Variants in PID1 observed in about 807,000 individuals in gnomAD.
The protein encoded by PID1 is PTB-containing, cubilin and LRP1-interacting protein.
A neutral mutation model predicts 19.1 loss-of-function variants in PID1; 10 were observed. That is an observed-to-expected ratio of 0.52 (90% CI 0.32 to 0.89). The LOEUF (loss-of-function observed/expected upper bound fraction) is 0.89, where lower values mean the gene tolerates loss of function less well. PID1 is among the 40% of genes least tolerant of loss of function. The pLI, the probability that PID1 is intolerant of heterozygous loss-of-function variation, is 0.03. For missense variants in PID1, 248 were observed against 285.3 expected (o/e 0.87, Z 0.94); for synonymous variants, 130 against 116.0 (o/e 1.12, Z -0.78).
intron 2 of PID1, among the ~76,000 whole-genome samples, chr2:229,134,573 G>A (rs1028867748): frequency 1.3e-5 from 2 of 151,960 alleles, no homozygotes; most frequent in African/African-American, 2.4e-5. Context: ...AAGTTAAAGC[G>A]TGAACATTGT....
chr2:229,149,561 T>C (rs1690205141), intron 2 of PID1, among the ~76,000 whole-genome samples: 1 of 152,196 alleles, frequency 6.6e-6, no homozygotes, highest in African/African-American at 2.4e-5. Flanking sequence ...AATCTCTTCC[T>C]TCCTGAGAGC....
chr2:229,238,638 G>A (rs577077419), intron 1 of PID1, among the ~76,000 whole-genome samples: 3 of 152,234 alleles, frequency 2.0e-5, no homozygotes, highest in African/African-American at 7.2e-5. Context: ...AAAGGCCAGA[G>A]TTAATCTACA....
intron 1 of PID1, among the ~76,000 whole-genome samples, chr2:229,191,206 G>T (rs761910894): frequency 6.6e-6 from 1 of 152,100 alleles, no homozygotes; most frequent in Admixed American, 6.6e-5. Flanking sequence ...GAATCTCCCA[G>T]CTGTCTTTAG....
chr2:229,127,710 A>C (rs958436639), intron 2 of PID1, among the ~76,000 whole-genome samples: 1 of 152,212 alleles, frequency 6.6e-6, no homozygotes, highest in Non-Finnish European at 1.5e-5. Context: ...TGTGATGAAC[A>C]AAAATGTCTC....
Position 229,109,039 on chromosome 2 carries a change from T to G in PID1, c.177+46779A>C, listed in dbSNP as rs553639062. On this transcript the variant is annotated intron_variant, in intron 2 of 2. Coordinates refer to ENST00000392055, the MANE Select transcript of PID1 (RefSeq NM_001100818.2). ...ATTTGGGTCATATCACATGGTTAAT[T>G]CAGTGCAATCAAAGCTCTAGAAATG... Among the ~76,000 whole-genome samples the G allele has an allele frequency of 2.0e-5, 3 of 152,278 alleles. No homozygotes were observed. The East Asian group carries it at 5.8e-4, about 29-fold the overall frequency.
At chr2:229,086,640 C>T (rs1043400180) in intron 2 of PID1, among the ~76,000 whole-genome samples, 2 of 152,050 alleles carry the variant, frequency 1.3e-5, no homozygotes, top group African/African-American at 4.8e-5. Flanking sequence ...ATTTTACTTA[C>T]GTGAAAAACT....
chr2:229,173,096 T>C (rs1390048810), intron 1 of PID1, among the ~76,000 whole-genome samples: 1 of 152,138 alleles, frequency 6.6e-6, no homozygotes, highest in African/African-American at 2.4e-5. Context: ...GAGCTCTCCA[T>C]GTGAGCTCTC....
At chr2:229,090,629 C>A (rs1694853572) in intron 2 of PID1, among the ~76,000 whole-genome samples, 1 of 152,188 alleles carries the variant, frequency 6.6e-6, no homozygotes, top group Admixed American at 6.5e-5. Flanking sequence ...AATTCCCTGT[C>A]TTATATCCCA....
At chr2:229,174,193 C>A (rs1321276884) in intron 1 of PID1, among the ~76,000 whole-genome samples, 1 of 152,178 alleles carries the variant, frequency 6.6e-6, no homozygotes, top group African/African-American at 2.4e-5. Flanking sequence ...GAGCTTGATT[C>A]AGACTGTGGT....
At chr2:229,107,520 A>G (rs1020737406) in intron 2 of PID1, among the ~76,000 whole-genome samples, 4 of 144,758 alleles carry the variant, frequency 2.8e-5, no homozygotes, top group African/African-American at 7.7e-5. Context: ...AAAAAAAAAA[A>G]GAAAAAAGCT....
intron 1 of PID1, among the ~76,000 whole-genome samples, chr2:229,227,801 A>G (rs56344841): frequency 0.31 from 47,199 of 151,882 alleles, 7,783 homozygotes; most frequent in East Asian, 0.65. Flanking sequence ...GAACAGGTAC[A>G]GACTTTTTTC....
chr2:229,263,464 C>G (rs1690510330), intron 1 of PID1, among the ~76,000 whole-genome samples: 3 of 152,188 alleles, frequency 2.0e-5, no homozygotes, highest in Admixed American at 2.0e-4. Context: ...TAGATATCCT[C>G]TCATATCCCA....
intron 1 of PID1, among the ~76,000 whole-genome samples, chr2:229,243,638 T>C (rs1028864951): frequency 3.4e-4 from 51 of 152,158 alleles, no homozygotes; most frequent in Non-Finnish European, 8.8e-5. Context: ...TACAGGTACG[T>C]GGCATTTGAA....
At chr2:229,235,038 A>G (rs894072465) in intron 1 of PID1, among the ~76,000 whole-genome samples, 4 of 152,144 alleles carry the variant, frequency 2.6e-5, no homozygotes, top group African/African-American at 9.7e-5. Flanking sequence ...CCTCTGATCA[A>G]CAGCTTTTTG....
At chr2:229,210,682 T>C (rs1004563887) in intron 1 of PID1, among the ~76,000 whole-genome samples, 2 of 152,128 alleles carry the variant, frequency 1.3e-5, no homozygotes, top group Admixed American at 1.3e-4. Flanking sequence ...AGATATTTTA[T>C]TGAGAACATA....
chr2:229,062,750 G>A (rs756282855), intron 2 of PID1, among the ~76,000 whole-genome samples: 15 of 151,910 alleles, frequency 9.9e-5, no homozygotes, highest in South Asian at 6.2e-4. Flanking sequence ...CAGCAAAGTC[G>A]TCTGGCCCTG....
intron 2 of PID1, among the ~76,000 whole-genome samples, chr2:229,061,209 G>T (rs1694206064): frequency 6.6e-6 from 1 of 152,106 alleles, no homozygotes; most frequent in African/African-American, 2.4e-5. Flanking sequence ...TTGCCTTTAT[G>T]TTTTCTTCTA....
At chr2:229,158,864 G>A (rs115818561) in intron 1 of PID1, among the ~76,000 whole-genome samples, 1,694 of 151,580 alleles carry the variant, frequency 0.011, 15 homozygotes, top group Non-Finnish European at 0.018. Flanking sequence ...TTATTTGTGG[G>A]ATCTAAAAAT....
intron 2 of PID1, among the ~76,000 whole-genome samples, chr2:229,058,002 A>G (rs1309896265): frequency 6.6e-6 from 1 of 152,226 alleles, no homozygotes; most frequent in Non-Finnish European, 1.5e-5. Flanking sequence ...TCTTCCTCCA[A>G]GGCAGGATAC....
Sources: gnomAD v4.1 joint callset for allele counts (sites outside exome capture counted in the v4.1 genomes callset) on GRCh38, gnomAD v4.1.1 for gene constraint, MANE v1.5 for transcripts, NCBI Gene and HGNC (gene_info 2026-07-23, HGNC 2026-07-21) for gene names.